The following ADAMTS19 variants were observed in gnomAD, a reference collection of about 807,000 sequenced individuals.
The protein encoded by ADAMTS19 is A disintegrin and metalloproteinase with thrombospondin motifs 19.
In ADAMTS19, 93 loss-of-function variants were observed where a neutral mutation model predicts 153.3. The ratio of observed to expected loss-of-function variants is 0.61; its 90% CI spans 0.51 to 0.72. The LOEUF (loss-of-function observed/expected upper bound fraction) is 0.72, where lower values mean the gene tolerates loss of function less well. Ranked by LOEUF, ADAMTS19 falls within the 30% of genes least tolerant of loss-of-function variation. The pLI, the probability that ADAMTS19 is intolerant of heterozygous loss-of-function variation, is 0.00. For missense variants in ADAMTS19, 1,482 were observed against 1,552.1 expected, an observed-to-expected ratio of 0.95 and a Z score of 0.76; for synonymous variants, 600 against 556.6, an observed-to-expected ratio of 1.08 and a Z score of -1.10.
At chr5:129,539,181 A>C (rs1752568210) in intron 6 of ADAMTS19, among the ~76,000 whole-genome samples, 1 of 152,096 alleles carries the variant, frequency 6.6e-6, no homozygotes, top group African/African-American at 2.4e-5. Flanking sequence ...TTACATGGCA[A>C]GGGGACTTTG....
At chr5:129,495,612 TTACTC>T (rs769965308) in intron 2 of ADAMTS19, among the ~76,000 whole-genome samples, 88 of 152,220 alleles carry the variant, frequency 5.8e-4, no homozygotes, top group Non-Finnish European at 1.1e-3. Flanking sequence ...AGAGTAGTGA[TTACTC>T]TACTGGTGAC....
intron 17 of ADAMTS19, among the ~76,000 whole-genome samples, chr5:129,681,968 A>G (rs148248751): frequency 1.5e-4 from 23 of 152,288 alleles, no homozygotes; most frequent in African/African-American, 5.5e-4. Flanking sequence ...ATAAAATGCC[A>G]TTGTGTTCCC....
intron 10 of ADAMTS19, among the ~76,000 whole-genome samples, chr5:129,636,649 A>G (rs983735158): frequency 4.6e-5 from 7 of 152,188 alleles, no homozygotes; most frequent in Admixed American, 6.5e-5. Flanking sequence ...GAGAATGTCA[A>G]ACTTATTCAG....
intron 18 of ADAMTS19, among the ~76,000 whole-genome samples, chr5:129,689,489 A>G (rs1041544368): frequency 2.0e-5 from 3 of 152,156 alleles, no homozygotes; most frequent in African/African-American, 7.2e-5. Flanking sequence ...CAGTGGCACA[A>G]TCTCAGCTCA....
At chr5:129,553,964 TAAG>T (rs1561568341) in intron 7 of ADAMTS19, among the ~76,000 whole-genome samples, 2 of 152,050 alleles carry the variant, frequency 1.3e-5, no homozygotes, top group Middle Eastern at 3.4e-3. Flanking sequence ...TAAATAAAAA[TAAG>T]AAGTAAAAAT....
intron 7 of ADAMTS19, among the ~76,000 whole-genome samples, chr5:129,552,508 C>T (rs915992119): frequency 6.6e-6 from 1 of 151,190 alleles, no homozygotes; most frequent in African/African-American, 2.4e-5. Context: ...ATGTATCTAT[C>T]CAAAGATACC....
At chr5:129,624,010 C>T (rs959674296) in intron 10 of ADAMTS19, among the ~76,000 whole-genome samples, 3 of 150,662 alleles carry the variant, frequency 2.0e-5, no homozygotes, top group East Asian at 2.0e-4. Flanking sequence ...ACCTGTAGTC[C>T]CAGCTACTCA....
chr5:129,605,810 C>T (rs1750865677), intron 8 of ADAMTS19, among the ~76,000 whole-genome samples: 1 of 152,028 alleles, frequency 6.6e-6, no homozygotes. Context: ...TACCACTTAC[C>T]CACTGATTGA....
At chr5:129,706,381 C>A (rs1181110086) in intron 21 of ADAMTS19, among the ~76,000 whole-genome samples, 4 of 152,016 alleles carry the variant, frequency 2.6e-5, no homozygotes, top group Non-Finnish European at 5.9e-5. Context: ...ACCAGCCTGG[C>A]CAACATGGAG....
At chr5:129,651,597 A>T (rs1262768038) in intron 13 of ADAMTS19, among the ~76,000 whole-genome samples, 1 of 152,056 alleles carries the variant, frequency 6.6e-6, no homozygotes, top group Non-Finnish European at 1.5e-5. Flanking sequence ...TCAAGCTTTG[A>T]CATCGTTCTT....
chr5:129,709,724 G>A (rs375014045), intron 21 of ADAMTS19, among the ~76,000 whole-genome samples: 55 of 152,212 alleles, frequency 3.6e-4, no homozygotes, highest in African/African-American at 1.2e-3. Context: ...CTTAAAACAA[G>A]TCTAGAAAGA....
chr5:129,547,158 G>C (rs958129221), intron 6 of ADAMTS19, among the ~76,000 whole-genome samples: 5 of 150,696 alleles, frequency 3.3e-5, no homozygotes, highest in African/African-American at 1.2e-4. Context: ...GAGGAAAAGA[G>C]AGAGAGTGGA....
At chr5:129,659,424 C>T (rs928561384) in intron 15 of ADAMTS19, among the ~76,000 whole-genome samples, 70 of 152,072 alleles carry the variant, frequency 4.6e-4, no homozygotes, top group African/African-American at 1.6e-3. Flanking sequence ...GCTTTATGTA[C>T]AGAAAATGCT....
intron 21 of ADAMTS19, among the ~76,000 whole-genome samples, chr5:129,707,172 G>C (rs1332399206): frequency 6.6e-6 from 1 of 152,166 alleles, no homozygotes; most frequent in Non-Finnish European, 1.5e-5. Context: ...TTTTGCATAT[G>C]TGGGTTCTGC....
Position 129,692,749 on chromosome 5 carries a change from A to G in ADAMTS19, c.2819-1971A>G, listed in dbSNP as rs536616857. On this transcript the variant is annotated intron_variant, in intron 18 of 22. Transcript: ENST00000274487. ...ACTGTTTTCTAATTCATCTGCCTAT[A>G]GGCCATGATTTTTTCCTAATCCACT... Among the ~76,000 whole-genome samples, 100 of 152,286 alleles carry G rather than the reference A, an allele frequency of 6.6e-4. 1 individual carries two copies. Among genetic ancestry groups the G allele is most frequent in the Middle Eastern group, 3.4e-3 (1 of 294 alleles).
At chr5:129,507,051 G>T (rs912913285) in intron 2 of ADAMTS19, among the ~76,000 whole-genome samples, 1 of 151,896 alleles carries the variant, frequency 6.6e-6, no homozygotes, top group Non-Finnish European at 1.5e-5. Flanking sequence ...TTATGTGATA[G>T]TGTGCAATTA....
chr5:129,468,453 A>T (rs1394901688), intron 2 of ADAMTS19, among the ~76,000 whole-genome samples: 3 of 152,110 alleles, frequency 2.0e-5, no homozygotes, highest in Non-Finnish European at 4.4e-5. Context: ...TCCCGGGTTC[A>T]AGCAATTCTC....
intron 2 of ADAMTS19, among the ~76,000 whole-genome samples, chr5:129,469,294 TA>T (rs764272164): frequency 6.6e-6 from 1 of 152,146 alleles, no homozygotes; most frequent in Non-Finnish European, 1.5e-5. Flanking sequence ...ACATATAAAA[TA>T]AACCTCAATT....
chr5:129,620,010 G>A lies in ADAMTS19; in HGVS notation c.1479-608G>A, dbSNP rs191086706. Reference sequence around the variant, plus strand: ...AAAGTAAGAAAGGCAGTCTTTAGACGTACTAAATTGAAGGTATTTCTAGAA... The same window carrying A: ...AAAGTAAGAAAGGCAGTCTTTAGACATACTAAATTGAAGGTATTTCTAGAA... On this transcript the variant is annotated intron_variant, in intron 8 of 22. Coordinates refer to ENST00000274487, the MANE Select transcript of ADAMTS19 (RefSeq NM_133638.6). 2.4e-3 allele frequency among the ~76,000 whole-genome samples: 372 copies of A among 152,026 alleles called. 2 individuals carry two copies. The highest frequency in any genetic ancestry group is 6.8e-3 in the Middle Eastern group (2 of 294).
Sources: gnomAD v4.1 joint callset for allele counts (sites outside exome capture counted in the v4.1 genomes callset) on GRCh38, gnomAD v4.1.1 for gene constraint, MANE v1.5 for transcripts, NCBI Gene and HGNC (gene_info 2026-07-23, HGNC 2026-07-21) for gene names.